The following ADAMTS12 variants were observed in gnomAD, a reference collection of about 807,000 sequenced individuals.
The protein encoded by ADAMTS12 is A disintegrin and metalloproteinase with thrombospondin motifs 12.
Under a neutral mutation model 167.8 loss-of-function variants are expected in ADAMTS12, and 118 were observed. The observed-to-expected ratio is 0.70, with a 90% confidence interval of 0.61 to 0.82. The LOEUF is 0.82. Ranked by LOEUF, ADAMTS12 falls within the 40% of genes least tolerant of loss-of-function variation. The probability of loss-of-function intolerance (pLI) is 0.00; values close to 1 mark genes in which losing one functional copy is unlikely to be tolerated. For missense variants in ADAMTS12, 1,916 were observed against 1,998.8 expected (o/e 0.96, Z 0.79); for synonymous variants, 704 against 716.9 (o/e 0.98, Z 0.29).
At chr5:33,851,136 G>A (rs565215913) in intron 2 of ADAMTS12, among the ~76,000 whole-genome samples, 55 of 152,316 alleles carry the variant, frequency 3.6e-4, no homozygotes, top group African/African-American at 1.3e-3. Flanking sequence ...AAGGAGGCCA[G>A]ACACAGTGGC....
At chr5:33,654,574 CA>C (rs1561196785) in intron 7 of ADAMTS12, among the ~76,000 whole-genome samples, 1 of 152,130 alleles carries the variant, frequency 6.6e-6, no homozygotes, top group Admixed American at 6.5e-5. Flanking sequence ...GTCCTGACAC[CA>C]CAGGGGTGGG....
At chr5:33,829,075 G>A (rs1748201439) in intron 2 of ADAMTS12, among the ~76,000 whole-genome samples, 1 of 152,102 alleles carries the variant, frequency 6.6e-6, no homozygotes, top group Admixed American at 6.6e-5. Context: ...CCAGCACATG[G>A]CCATCTTAAA....
chr5:33,753,291 CA>C (rs1745060708), intron 2 of ADAMTS12, among the ~76,000 whole-genome samples: 1 of 152,208 alleles, frequency 6.6e-6, no homozygotes, highest in Non-Finnish European at 1.5e-5. Flanking sequence ...GAAAACATGA[CA>C]TTTTTTTCAG....
chr5:33,524,373 G>A lies in ADAMTS12; in HGVS notation c.*2815C>T, dbSNP rs1030272074. ...TAAATATACTACTGTGAAAGACAACGTAAACCAAACTGGGTTTTAGAACGT... is the reference window on the plus strand; with the variant it reads ...TAAATATACTACTGTGAAAGACAACATAAACCAAACTGGGTTTTAGAACGT... On this transcript the variant is annotated 3_prime_UTR_variant, in exon 24 of 24. Transcript: ENST00000504830. 2.6e-5 allele frequency: 4 copies of A among 152,132 alleles called. No individual in the cohort carries two copies. Among genetic ancestry groups the A allele is most frequent in the African/African-American group, 4.8e-5 (2 of 41,428 alleles). 9.4% of individuals were successfully genotyped at this position (152,132 alleles called of 1,614,324 possible).
intron 2 of ADAMTS12, among the ~76,000 whole-genome samples, chr5:33,787,382 T>C (rs1746368531): frequency 6.6e-6 from 1 of 152,244 alleles, no homozygotes; most frequent in South Asian, 2.1e-4. Context: ...ACTTTTCGAA[T>C]GTCAAAAACA....
chr5:33,662,329 A>C (rs980986792), intron 5 of ADAMTS12, among the ~76,000 whole-genome samples: 1 of 152,234 alleles, frequency 6.6e-6, no homozygotes, highest in Non-Finnish European at 1.5e-5. Flanking sequence ...ATATATTAGC[A>C]ATAACCAAAA....
chr5:33,670,559 T>C (rs776631155), intron 5 of ADAMTS12, among the ~76,000 whole-genome samples: 14 of 152,178 alleles, frequency 9.2e-5, no homozygotes, highest in Non-Finnish European at 2.1e-4. Context: ...CTGGCCAACA[T>C]GGTGAAACCC....
intron 19 of ADAMTS12, among the ~76,000 whole-genome samples, chr5:33,572,709 C>T (rs1374793212): frequency 1.4e-5 from 2 of 147,992 alleles, no homozygotes; most frequent in Admixed American, 6.9e-5. Flanking sequence ...TGCCCTCTCT[C>T]ACCACTCCTA....
At chr5:33,704,766 T>G (rs143356815) in intron 3 of ADAMTS12, among the ~76,000 whole-genome samples, 40 of 152,318 alleles carry the variant, frequency 2.6e-4, no homozygotes, top group Non-Finnish European at 4.9e-4. Context: ...CTGCAAATAT[T>G]TTCTCTCATT....
chr5:33,855,984 A>G (rs1749388223), intron 2 of ADAMTS12, among the ~76,000 whole-genome samples: 3 of 152,154 alleles, frequency 2.0e-5, no homozygotes, highest in Admixed American at 2.0e-4. Flanking sequence ...CTCCTGCCTC[A>G]GCCTCCCAAA....
At chr5:33,722,928 C>T (rs904370622) in intron 3 of ADAMTS12, among the ~76,000 whole-genome samples, 2 of 152,160 alleles carry the variant, frequency 1.3e-5, no homozygotes, top group Non-Finnish European at 2.9e-5. Context: ...TGATATACAG[C>T]TGCAGAAGCA....
At chr5:33,545,851 G>C (rs957434385) in intron 22 of ADAMTS12, among the ~76,000 whole-genome samples, 5 of 150,164 alleles carry the variant, frequency 3.3e-5, no homozygotes, top group African/African-American at 1.2e-4. Context: ...TCACACACTG[G>C]GGCCTGTCGG....
intron 2 of ADAMTS12, among the ~76,000 whole-genome samples, chr5:33,814,443 G>C (rs1747576990): frequency 6.6e-6 from 1 of 152,158 alleles, no homozygotes; most frequent in Admixed American, 6.5e-5. Context: ...ATTTGCATAA[G>C]TTAAATTTAA....
chr5:33,759,786 C>T lies in ADAMTS12; in HGVS notation c.490-8238G>A, dbSNP rs144104461. On this transcript the variant is annotated intron_variant, in intron 2 of 23. Coordinates refer to ENST00000504830, the MANE Select transcript of ADAMTS12 (RefSeq NM_030955.4). Reference sequence around the variant, plus strand: ...CACTTGGAACTGAGTGCATTTATTTCGTTTTAATTCCCAAGAGCTGCTCCC... The same window carrying T: ...CACTTGGAACTGAGTGCATTTATTTTGTTTTAATTCCCAAGAGCTGCTCCC... Among the ~76,000 whole-genome samples, 28 of 152,252 alleles carry T rather than the reference C, an allele frequency of 1.8e-4. No individual in the cohort carries two copies. In the East Asian group the frequency reaches 3.1e-3, roughly 17 times the overall value.
chr5:33,575,155 A>C (rs536630064), intron 19 of ADAMTS12, among the ~76,000 whole-genome samples: 29 of 152,308 alleles, frequency 1.9e-4, no homozygotes, highest in Non-Finnish European at 3.4e-4. Flanking sequence ...CAATAAGCCA[A>C]AATGAATTTT....
At chr5:33,585,139 C>A (rs1265123106) in intron 18 of ADAMTS12, among the ~76,000 whole-genome samples, 3 of 152,064 alleles carry the variant, frequency 2.0e-5, no homozygotes, top group South Asian at 2.1e-4. Context: ...ACCATTGGAG[C>A]CATGATTAAA....
intron 19 of ADAMTS12, among the ~76,000 whole-genome samples, chr5:33,573,165 CCATACTGCCCAAGGTAATTTATAGATT>C (rs1240586706): frequency 1.3e-5 from 2 of 151,842 alleles, no homozygotes; most frequent in East Asian, 1.9e-4. Context: ...GTGAAAATGG[CCATACTGCCCAAGGTAATTTATAGATT>C]CAATGCCATC....
intron 2 of ADAMTS12, among the ~76,000 whole-genome samples, chr5:33,797,113 T>A (rs1314008237): frequency 1.3e-5 from 2 of 152,326 alleles, no homozygotes; most frequent in East Asian, 3.9e-4. Context: ...AATATCCTGA[T>A]AACAAGAATG....
chr5:33,869,121 A>C (rs1226684010), intron 2 of ADAMTS12, among the ~76,000 whole-genome samples: 1 of 152,098 alleles, frequency 6.6e-6, no homozygotes, highest in Admixed American at 6.5e-5. Flanking sequence ...CTAGGAGAAA[A>C]GAATGGTTTT....
Sources: gnomAD v4.1 joint callset for allele counts (sites outside exome capture counted in the v4.1 genomes callset) on GRCh38, gnomAD v4.1.1 for gene constraint, MANE v1.5 for transcripts, NCBI Gene and HGNC (gene_info 2026-07-23, HGNC 2026-07-21) for gene names.